The following RYR2 variants were observed in gnomAD, a reference collection of about 807,000 sequenced individuals.
The protein encoded by RYR2 is ryanodine receptor 2.
RYR2 carries 227 observed loss-of-function variants against 601.1 expected under a neutral mutation model. That is an observed-to-expected ratio of 0.38 (90% CI 0.34 to 0.42). The LOEUF (loss-of-function observed/expected upper bound fraction) is 0.42. Among genes scored for constraint, RYR2 ranks in the 10% least tolerant of loss-of-function variants. The pLI is 1.00. For missense variants in RYR2, 4,646 were observed against 6,156.5 expected (o/e 0.75, Z 8.21); for synonymous variants, 2,223 against 2,175.1 (o/e 1.02, Z -0.61).
At chr1:237,512,185 A>G (rs1665985274) in intron 24 of RYR2, among the ~76,000 whole-genome samples, 1 of 152,202 alleles carries the variant, frequency 6.6e-6, no homozygotes, top group Non-Finnish European at 1.5e-5. Context: ...AAACTTCTAT[A>G]CCAATTTAGG....
At chr1:237,411,232 A>AT (rs1204297381) in intron 10 of RYR2, among the ~76,000 whole-genome samples, 3 of 152,132 alleles carry the variant, frequency 2.0e-5, no homozygotes, top group Admixed American at 2.0e-4. Flanking sequence ...CCTAGTTAAG[A>AT]TACACTGTAT....
chr1:237,832,554 A>G lies in RYR2; in HGVS notation c.14811A>G (p.Glu4937=), dbSNP rs1282956982. 1.9e-6 allele frequency: 3 copies of G among 1,603,016 alleles called. No individual in the cohort carries two copies. The highest frequency in any genetic ancestry group is 3.4e-5 in the Admixed American group (2 of 59,380). Residue 4937 remains glutamate, a splice_region_variant and synonymous_variant, in exon 105 of 105, where the codon GAA becomes GAG. Transcript: ENST00000366574. The part of the protein sequence containing the change: ...NKDETEHTGQ[E]SYVWKMYQER... ...ATACATTTCCTTGACTTTTGCAGGA[A>G]TCTTATGTCTGGAAGATGTATCAAG...
chr1:237,655,925 A>G lies in RYR2; in HGVS notation c.8070A>G (p.Glu2690=), dbSNP rs1683203086. 1 of 1,613,350 alleles carries G rather than the reference A, an allele frequency of 6.2e-7. No homozygotes were observed. The highest frequency in any genetic ancestry group is 8.5e-7 in the Non-Finnish European group (1 of 1,179,602). The change falls in exon 53 of 105, where the codon GAA becomes GAG. Residue 2690 remains glutamate, a synonymous_variant. Transcript: ENST00000366574. ...YMESNYVSMM[E]KQSSMDSEGN... is the part of the protein sequence containing the mutation. ...AGTCAAATTATGTCAGTATGATGGA[A>G]AAACAGTCATCAATGGATTCTGAAG...
chr1:237,296,380 G>A (rs574159951), intron 2 of RYR2, among the ~76,000 whole-genome samples: 2 of 152,296 alleles, frequency 1.3e-5, no homozygotes, highest in South Asian at 4.2e-4. Flanking sequence ...GAGGGGATTG[G>A]AGAAGACAAG....
intron 54 of RYR2, among the ~76,000 whole-genome samples, 154 bp from the exon 55 acceptor site, chr1:237,659,831 T>C (rs1363400392): frequency 6.6e-6 from 1 of 152,254 alleles, no homozygotes; most frequent in Non-Finnish European, 1.5e-5. Flanking sequence ...TGAATATCTT[T>C]ATAGTGACTT....
chr1:237,572,146 T>C (rs1205359810), intron 29 of RYR2, among the ~76,000 whole-genome samples: 1 of 152,184 alleles, frequency 6.6e-6, no homozygotes, highest in Non-Finnish European at 1.5e-5. Flanking sequence ...TCTCCCTTTC[T>C]CTGATATTGG....
chr1:237,681,572 T>C (rs1003330267), intron 62 of RYR2, among the ~76,000 whole-genome samples: 1 of 152,214 alleles, frequency 6.6e-6, no homozygotes, highest in African/African-American at 2.4e-5. Flanking sequence ...CTTCTTCAAA[T>C]GATAATTTTC....
intron 2 of RYR2, among the ~76,000 whole-genome samples, chr1:237,316,334 T>C (rs1380851156): frequency 6.6e-6 from 1 of 152,194 alleles, no homozygotes; most frequent in Non-Finnish European, 1.5e-5. Flanking sequence ...CCATTTGCAG[T>C]AGTTTCTTAA....
chr1:237,203,517 T>C (rs1681429703), intron 1 of RYR2, among the ~76,000 whole-genome samples: 1 of 152,186 alleles, frequency 6.6e-6, no homozygotes, highest in African/African-American at 2.4e-5. Context: ...AATAAAATTC[T>C]ACTTTGGGAA....
intron 10 of RYR2, among the ~76,000 whole-genome samples, chr1:237,393,720 G>A (rs967554315): frequency 2.0e-4 from 30 of 152,322 alleles, no homozygotes; most frequent in African/African-American, 7.2e-4. Flanking sequence ...ACATAAAGGA[G>A]AGCTACTTTC....
chr1:237,208,953 T>TAC (rs1243061732), intron 1 of RYR2, among the ~76,000 whole-genome samples: 2 of 82,608 alleles, frequency 2.4e-5, no homozygotes, highest in African/African-American at 8.2e-5. Context: ...TATATATATA[T>TAC]ATATATATAT....
At chr1:237,435,065 A>G (rs899014727) in intron 12 of RYR2, among the ~76,000 whole-genome samples, 2 of 152,200 alleles carry the variant, frequency 1.3e-5, no homozygotes, top group Admixed American at 1.3e-4. Context: ...GGCATGTGCT[A>G]CGATGCCAGA....
At position 237,783,666 on chromosome 1, in the gene RYR2, T is replaced by C. The variant is rs113583794; in HGVS notation, c.11963-9T>C. The stretch of plus-strand genomic sequence containing the variant: ...TTATTTTAAACAAATGCAACTGCTT[T>C]ACCACCAGGTAATGTTGTTAATGGA... On this transcript the variant is annotated splice_polypyrimidine_tract_variant and intron_variant, in intron 89 of 104. Coordinates refer to ENST00000366574, the MANE Select transcript of RYR2 (RefSeq NM_001035.3). 1.3e-5 allele frequency: 20 copies of C among 1,572,682 alleles called. No homozygotes were observed. In the African/African-American group the frequency reaches 1.8e-4, roughly 14 times the overall value.
At chr1:237,057,417 C>T (rs919434342) in intron 1 of RYR2, among the ~76,000 whole-genome samples, 4 of 152,048 alleles carry the variant, frequency 2.6e-5, no homozygotes, top group African/African-American at 9.7e-5. Context: ...GATCTCCTGA[C>T]CTTGTGATCC....
chr1:237,699,498 G>A (rs892051263), intron 64 of RYR2, among the ~76,000 whole-genome samples: 9 of 152,152 alleles, frequency 5.9e-5, no homozygotes, highest in African/African-American at 1.9e-4. Context: ...CTGTCAACTT[G>A]ACCAGAAATC....
At chr1:237,798,952 A>G (rs1339599306) in intron 97 of RYR2, among the ~76,000 whole-genome samples, 1 of 152,220 alleles carries the variant, frequency 6.6e-6, no homozygotes, top group Admixed American at 6.5e-5. Context: ...ACTTTCTCTT[A>G]ACATGAGTAG....
At chr1:237,222,790 G>A (rs1185873810) in intron 1 of RYR2, among the ~76,000 whole-genome samples, 1 of 152,116 alleles carries the variant, frequency 6.6e-6, no homozygotes, top group Admixed American at 6.5e-5. Context: ...TATTGGCTGG[G>A]CGCGGTGGCT....
intron 15 of RYR2, 50 bp downstream of exon 15, chr1:237,454,624 C>T: frequency 2.5e-6 from 4 of 1,577,058 alleles, no homozygotes; most frequent in Non-Finnish European, 3.5e-6. Flanking sequence ...CTTGTAAAAA[C>T]AGCTTCTTGG....
At chr1:237,773,692 T>A (rs780694991) in intron 87 of RYR2, 44 bp downstream of exon 87, 1 of 1,560,386 alleles carries the variant, frequency 6.4e-7, no homozygotes, top group African/African-American at 1.4e-5. Context: ...CTGAACTCCA[T>A]AGAAAAATGC....
Sources: allele counts gnomAD v4.1 joint callset (sites outside exome capture counted in the v4.1 genomes callset), GRCh38; gene constraint gnomAD v4.1.1; transcripts MANE v1.5; gene names NCBI Gene and HGNC (gene_info 2026-07-23, HGNC 2026-07-21).